The following ZMYM2 variants were observed in gnomAD, a reference collection of about 807,000 sequenced individuals.
The protein encoded by ZMYM2 is zinc finger MYM-type containing 2, also known as zinc finger MYM-type protein 2.
A neutral mutation model predicts 162.8 loss-of-function variants in ZMYM2; 56 were observed. The observed-to-expected ratio is 0.34, with a 90% CI of 0.28 to 0.43. The LOEUF (loss-of-function observed/expected upper bound fraction) is 0.43. Among genes scored for constraint, ZMYM2 ranks in the 20% least tolerant of loss-of-function variants. The pLI is 1.00. For synonymous variants in ZMYM2, 510 were observed against 541.6 expected, an observed-to-expected ratio of 0.94 and a Z score of 0.81; for missense variants, 1,275 against 1,621.8, an observed-to-expected ratio of 0.79 and a Z score of 3.67.
rs1593994391 is a variant in ZMYM2, at chr13:19,958,761, C to G, written c.-160C>G. 7.1e-6 allele frequency: 1 copy of G among 140,790 alleles called. No homozygotes were observed. Among genetic ancestry groups the G allele is most frequent in the Non-Finnish European group, 1.5e-5 (1 of 65,646 alleles). The allele number at this position is 140,790 out of a possible 1,614,324, so 8.7% of individuals were successfully genotyped here. ...ACCAGCGCTAAAGCCGGGACTGGACCGAGCGGAGTTGTGCGTGTCGCCGAA... is the reference window on the plus strand; with the variant it reads ...ACCAGCGCTAAAGCCGGGACTGGACGGAGCGGAGTTGTGCGTGTCGCCGAA... On this transcript the variant is annotated 5_prime_UTR_variant, in exon 1 of 25. Transcript: ENST00000610343.
intron 11 of ZMYM2, among the ~76,000 whole-genome samples, chr13:20,036,119 T>G (rs1953673592): frequency 6.6e-6 from 1 of 152,156 alleles, no homozygotes; most frequent in Non-Finnish European, 1.5e-5. Context: ...AGTATAAGTA[T>G]AGAGTATTAT....
chr13:20,038,636 G>GACA (rs1275856507), intron 12 of ZMYM2, among the ~76,000 whole-genome samples: 7 of 152,118 alleles, frequency 4.6e-5, no homozygotes, highest in Non-Finnish European at 8.8e-5. Flanking sequence ...CTATGTGTCT[G>GACA]CTTTTGTACC....
chr13:19,959,161 T>C (rs1049128878), intron 1 of ZMYM2, among the ~76,000 whole-genome samples: 1 of 134,730 alleles, frequency 7.4e-6, no homozygotes, highest in Non-Finnish European at 1.6e-5. Flanking sequence ...GCGGCGGGGG[T>C]CGCGGGGCCG....
intron 2 of ZMYM2, among the ~76,000 whole-genome samples, chr13:19,961,118 T>G (rs1302634072): frequency 6.6e-6 from 1 of 151,808 alleles, no homozygotes; most frequent in Admixed American, 6.6e-5. Flanking sequence ...TTCTAAGGTT[T>G]TTTTTTTTTT....
At chr13:19,869,679 T>G in the ZMYM2 span, among the ~76,000 whole-genome samples, 31,608 of 151,910 alleles carry the variant, frequency 0.21, 4,459 homozygotes, top group Non-Finnish European at 0.31. Context: ...TTCCCAGCTA[T>G]TCAGGAGTGA....
chr13:20,045,193 T>G (rs1954655050), intron 12 of ZMYM2, among the ~76,000 whole-genome samples: 1 of 152,046 alleles, frequency 6.6e-6, no homozygotes, highest in African/African-American at 2.4e-5. Flanking sequence ...GGTATTAAAA[T>G]GATACTACTA....
chr13:20,080,780 A>G (rs960447285), intron 21 of ZMYM2, among the ~76,000 whole-genome samples: 4 of 151,706 alleles, frequency 2.6e-5, no homozygotes, highest in Non-Finnish European at 5.9e-5. Context: ...GTGAGCCACC[A>G]CTCCCACCCC....
At position 20,006,507 on chromosome 13, in the gene ZMYM2, G is replaced by A. The variant is rs1950757362; in HGVS notation, c.1433G>A (p.Gly478Asp). 1 of 1,613,758 alleles carries A rather than the reference G, an allele frequency of 6.2e-7. No homozygotes were observed. Among genetic ancestry groups the A allele is most frequent in the Non-Finnish European group, 8.5e-7 (1 of 1,179,858 alleles). The change falls in exon 6 of 25, where the codon GGT (glycine) becomes GAT (aspartate). Residue 478 changes from glycine (G) to aspartate (D), a missense_variant. Transcript: ENST00000610343. Reference protein sequence around the residue: ...EQCGEYLPSKGAGNNVLVIDG... With the variant: ...EQCGEYLPSKDAGNNVLVIDG... The stretch of plus-strand genomic sequence containing the variant: ...TGTGGAGAGTACTTGCCCAGTAAAG[G>A]TGCTGGAAATAATGTTCTGGTGATT...
chr13:19,994,512 T>TG (rs905850678), intron 3 of ZMYM2, among the ~76,000 whole-genome samples: 8 of 152,124 alleles, frequency 5.3e-5, no homozygotes, highest in African/African-American at 1.4e-4. Flanking sequence ...TTTTTTGAGA[T>TG]GGAGTCTTGC....
chr13:20,010,540 A>G (rs1951088553), intron 6 of ZMYM2, among the ~76,000 whole-genome samples: 1 of 152,086 alleles, frequency 6.6e-6, no homozygotes, highest in Admixed American at 6.6e-5. Context: ...CCATTTGTGT[A>G]TCATCTTTGG....
chr13:19,920,352 T>C, the ZMYM2 span, among the ~76,000 whole-genome samples: 2 of 152,138 alleles, frequency 1.3e-5, no homozygotes, highest in Admixed American at 1.3e-4. Context: ...CAGAAACAAG[T>C]CTCAGACCCG....
chr13:20,025,165 C>T (rs955460448), intron 7 of ZMYM2: 2 of 205,628 alleles, frequency 9.7e-6, no homozygotes, highest in African/African-American at 4.6e-5. Context: ...ATCTATAACA[C>T]CTATTATTTA....
chr13:19,950,479 G>A, the ZMYM2 span, among the ~76,000 whole-genome samples: 5 of 152,194 alleles, frequency 3.3e-5, no homozygotes, highest in East Asian at 9.6e-4. Flanking sequence ...TACTAGTCAC[G>A]GAGTTTTGGC....
chr13:19,883,292 GGA>G, the ZMYM2 span, among the ~76,000 whole-genome samples: 3 of 152,116 alleles, frequency 2.0e-5, no homozygotes, highest in Non-Finnish European at 4.4e-5. Context: ...TTTTCTTTTG[GGA>G]TGATGAAAAT....
At chr13:20,078,392 T>C (rs1006075119) in intron 21 of ZMYM2, among the ~76,000 whole-genome samples, 7 of 152,208 alleles carry the variant, frequency 4.6e-5, no homozygotes, top group African/African-American at 1.7e-4. Context: ...ATTTTATAAA[T>C]TGTTATGTAT....
the ZMYM2 span, among the ~76,000 whole-genome samples, chr13:19,887,450 A>T: frequency 1.3e-5 from 2 of 151,472 alleles, no homozygotes; most frequent in African/African-American, 4.9e-5. Flanking sequence ...AATCATTCGA[A>T]CCCAGGAGGC....
chr13:19,944,726 G>T, the ZMYM2 span, among the ~76,000 whole-genome samples: 1 of 152,136 alleles, frequency 6.6e-6, no homozygotes, highest in Non-Finnish European at 1.5e-5. Flanking sequence ...CTGGAGGGCA[G>T]TGGCGCGATC....
intron 3 of ZMYM2, 134 bp downstream of exon 3, chr13:19,994,053 T>G: frequency 9.0e-7 from 1 of 1,106,080 alleles, no homozygotes; most frequent in Non-Finnish European, 1.3e-6. Flanking sequence ...GAATTTTATC[T>G]TAAGTTTGGT....
At chr13:19,920,438 G>T in the ZMYM2 span, among the ~76,000 whole-genome samples, 1 of 151,988 alleles carries the variant, frequency 6.6e-6, no homozygotes, top group African/African-American at 2.4e-5. Flanking sequence ...GGGAAGGCAG[G>T]TGTAAGCAGG....
Sources: allele counts gnomAD v4.1 joint callset (sites outside exome capture counted in the v4.1 genomes callset), GRCh38; gene constraint gnomAD v4.1.1; transcripts MANE v1.5; gene names NCBI Gene and HGNC (gene_info 2026-07-23, HGNC 2026-07-21).